Variants in RBFOX1 observed in about 807,000 individuals in gnomAD.
The protein encoded by RBFOX1 is RNA binding protein fox-1 homolog 1.
In RBFOX1, 8 loss-of-function variants were observed where a neutral mutation model predicts 57.7. That is an observed-to-expected ratio of 0.14 (90% CI 0.08 to 0.25). The LOEUF (loss-of-function observed/expected upper bound fraction) is 0.25, where lower values mean the gene tolerates loss of function less well. RBFOX1 is among the 10% of genes least tolerant of loss of function. The pLI is 1.00. For synonymous variants in RBFOX1, 326 were observed against 222.4 expected, an observed-to-expected ratio of 1.47 and a Z score of -4.15; for missense variants, 611 against 548.5, an observed-to-expected ratio of 1.11 and a Z score of -1.14.
chr16:6,977,273 G>A (rs887361363), intron 3 of RBFOX1, among the ~76,000 whole-genome samples: 21 of 150,754 alleles, frequency 1.4e-4, no homozygotes, highest in Admixed American at 4.7e-4. Flanking sequence ...CTGCTACAAG[G>A]GTTTGTGATA....
At chr16:6,793,103 A>G (rs750432065) in intron 3 of RBFOX1, among the ~76,000 whole-genome samples, 2 of 152,142 alleles carry the variant, frequency 1.3e-5, no homozygotes, top group African/African-American at 4.8e-5. Context: ...AGATTGCACA[A>G]AAGTTCATGG....
intron 4 of RBFOX1, among the ~76,000 whole-genome samples, chr16:7,058,303 C>T (rs2053117238): frequency 6.6e-6 from 1 of 152,142 alleles, no homozygotes; most frequent in African/African-American, 2.4e-5. Flanking sequence ...TTTAGCAGGG[C>T]TGTAACACTT....
chr16:6,419,744 C>T (rs962586669), intron 2 of RBFOX1, among the ~76,000 whole-genome samples: 2 of 152,130 alleles, frequency 1.3e-5, no homozygotes, highest in Non-Finnish European at 2.9e-5. Context: ...ATCTTTTACA[C>T]GCAGCACACA....
intron 4 of RBFOX1, among the ~76,000 whole-genome samples, chr16:7,160,452 G>T (rs960517484): frequency 1.3e-5 from 2 of 151,714 alleles, no homozygotes; most frequent in Admixed American, 1.3e-4. Context: ...ACAAAATAAT[G>T]TACATTAAAT....
At chr16:7,530,407 G>T (rs1473963605) in intron 5 of RBFOX1, among the ~76,000 whole-genome samples, 2 of 151,792 alleles carry the variant, frequency 1.3e-5, no homozygotes, top group Non-Finnish European at 2.9e-5. Context: ...GCTGTACACT[G>T]TAAGTCTCTG....
intron 3 of RBFOX1, among the ~76,000 whole-genome samples, chr16:6,816,150 T>G (rs1035041704): frequency 6.6e-6 from 1 of 151,696 alleles, no homozygotes; most frequent in Non-Finnish European, 1.5e-5. Context: ...TCTACAAAAT[T>G]TTTATTTTTA....
At chr16:7,680,811 A>G (rs2074536456) in intron 14 of RBFOX1, among the ~76,000 whole-genome samples, 1 of 152,184 alleles carries the variant, frequency 6.6e-6, no homozygotes, top group African/African-American at 2.4e-5. Context: ...TAATATGAAA[A>G]TATACATATA....
chr16:7,344,621 A>G (rs936502725), intron 4 of RBFOX1, among the ~76,000 whole-genome samples: 2 of 151,970 alleles, frequency 1.3e-5, no homozygotes, highest in Non-Finnish European at 2.9e-5. Flanking sequence ...TGCTACTATG[A>G]CAAGTTACTC....
intron 3 of RBFOX1, among the ~76,000 whole-genome samples, chr16:6,943,519 T>C (rs986988494): frequency 2.0e-5 from 3 of 151,998 alleles, no homozygotes; most frequent in African/African-American, 7.2e-5. Flanking sequence ...CCATCCTGAC[T>C]AACATGGTGA....
At chr16:5,965,588 A>G (rs2059827528) in intron 4 of RBFOX1, among the ~76,000 whole-genome samples, 1 of 152,132 alleles carries the variant, frequency 6.6e-6, no homozygotes, top group African/African-American at 2.4e-5. Context: ...AAAGCCCAAC[A>G]TTTTTAATGA....
intron 2 of RBFOX1, among the ~76,000 whole-genome samples, chr16:6,354,216 G>A (rs2086887058): frequency 6.6e-6 from 1 of 151,488 alleles, no homozygotes; most frequent in African/African-American, 2.4e-5. Context: ...CGAGACACTG[G>A]GTCAACACAC....
intron 4 of RBFOX1, among the ~76,000 whole-genome samples, chr16:7,190,088 C>T (rs1449927295): frequency 1.3e-5 from 2 of 152,324 alleles, no homozygotes; most frequent in Non-Finnish European, 2.9e-5. Flanking sequence ...TGGCCGGGCA[C>T]AGTGGCTCAC....
chr16:6,670,778 A>G (rs761494224), intron 3 of RBFOX1, among the ~76,000 whole-genome samples: 3 of 152,062 alleles, frequency 2.0e-5, no homozygotes, highest in Non-Finnish European at 4.4e-5. Context: ...TGGGTGGATC[A>G]CAAGGTCAGG....
chr16:6,463,041 A>G (rs1206053407), intron 2 of RBFOX1, among the ~76,000 whole-genome samples: 1 of 152,174 alleles, frequency 6.6e-6, no homozygotes, highest in African/African-American at 2.4e-5. Context: ...ATCCTAGTCC[A>G]CTTAAAAGTA....
chr16:7,426,941 A>T (rs991248737), intron 4 of RBFOX1, among the ~76,000 whole-genome samples: 1 of 152,238 alleles, frequency 6.6e-6, no homozygotes, highest in East Asian at 1.9e-4. Context: ...GCCATAAAAA[A>T]GGATGAGTTC....
At chr16:6,211,172 A>AGAG (rs1341211123) in intron 1 of RBFOX1, among the ~76,000 whole-genome samples, 1 of 146,706 alleles carries the variant, frequency 6.8e-6, no homozygotes, top group Non-Finnish European at 1.5e-5. Flanking sequence ...TCCATGAGAC[A>AGAG]GAGTGTTTTC....
chr16:6,953,567 A>C (rs1041900294), intron 3 of RBFOX1, among the ~76,000 whole-genome samples: 1 of 152,072 alleles, frequency 6.6e-6, no homozygotes, highest in African/African-American at 2.4e-5. Flanking sequence ...TTGTATCTTT[A>C]GTAGAGATGG....
At chr16:7,260,877 G>C (rs558632676) in intron 4 of RBFOX1, among the ~76,000 whole-genome samples, 1 of 152,142 alleles carries the variant, frequency 6.6e-6, no homozygotes. Context: ...TTAAGAGCTG[G>C]GGGAGTTCTG....
intron 2 of RBFOX1, among the ~76,000 whole-genome samples, chr16:6,601,557 G>A (rs551513551): frequency 6.6e-6 from 1 of 152,178 alleles, no homozygotes; most frequent in South Asian, 2.1e-4. Context: ...CCTATGCTTG[G>A]AGTTAGCTCT....
Sources: allele counts gnomAD v4.1 joint callset (sites outside exome capture counted in the v4.1 genomes callset), GRCh38; gene constraint gnomAD v4.1.1; transcripts MANE v1.5; gene names NCBI Gene and HGNC (gene_info 2026-07-23, HGNC 2026-07-21).